Variants in ZFP62 observed in about 807,000 individuals in gnomAD.
ZFP62 encodes ZFP62 zinc finger protein.
In ZFP62, 44 loss-of-function variants were observed where a neutral mutation model predicts 56.4. That is an observed-to-expected ratio of 0.78 (90% confidence interval 0.61 to 1.00). The LOEUF (loss-of-function observed/expected upper bound fraction) is 1.00. Ranked by LOEUF, ZFP62 falls within the 50% of genes least tolerant of loss-of-function variation. The pLI, the probability that ZFP62 is intolerant of heterozygous loss-of-function variation, is 0.00. For missense variants in ZFP62, 1,030 were observed against 1,085.7 expected, an observed-to-expected ratio of 0.95 and a Z score of 0.72; for synonymous variants, 421 against 388.9, an observed-to-expected ratio of 1.08 and a Z score of -0.97.
chr5:180,849,829 T>C lies in ZFP62; in HGVS notation c.1666A>G (p.Thr556Ala), dbSNP rs1015438487. ...TCACATTTGTAAGGTCGTTCCCCAGTGTGGATTCGTTTATGTACTTTAAGG... is the reference window on the plus strand; with the variant it reads ...TCACATTTGTAAGGTCGTTCCCCAGCGTGGATTCGTTTATGTACTTTAAGG... ...SGLKVHKRIH[T>A]GERPYKCEEC... The change falls in exon 2 of 2, where the codon ACT (threonine) becomes GCT (alanine). Residue 556 changes from threonine (T) to alanine (A), a missense_variant. Physicochemically the swap from Thr to Ala is moderately conservative, Grantham distance 58 (BLOSUM62 0). Transcript: ENST00000502412. 11 of 1,551,880 alleles carry C rather than the reference T, an allele frequency of 7.1e-6. No homozygotes were observed. The African/African-American group carries it at 1.2e-4, about 17-fold the overall frequency.
Position 180,851,234 on chromosome 5 carries a change from A to G in ZFP62, c.261T>C (p.Gly87=). ...GATGCAAGCTCTTCTCAGATGCCTC[A>G]CCTTCCTGTTCTGTCTTTATATTTG... The part of the protein sequence containing the change: ...STANIKTEQE[G]EASEKSLHLS... The change falls in exon 2 of 2, where the codon GGT becomes GGC. Residue 87 remains glycine, a synonymous_variant. Transcript: ENST00000502412. 6.4e-7 allele frequency: 1 copy of G among 1,551,498 alleles called. No homozygotes were observed. The highest frequency in any genetic ancestry group is 8.7e-7 in the Non-Finnish European group (1 of 1,146,936).
intron 1 of ZFP62, among the ~76,000 whole-genome samples, chr5:180,859,179 T>C (rs565924902): frequency 1.3e-5 from 2 of 152,334 alleles, no homozygotes; most frequent in East Asian, 3.9e-4. Flanking sequence ...CCGGAACGAC[T>C]TTCAATTTGC....
downstream of ZFP62, chr5:180,845,931 A>G (rs1295022343): frequency 1.1e-6 from 1 of 908,322 alleles, no homozygotes; most frequent in African/African-American, 1.8e-5. Context: ...TTGCTAATAG[A>G]GACATGCACT....
Position 180,852,476 on chromosome 5 carries a change from C to T in ZFP62, c.2-983G>A, listed in dbSNP as rs539035896. Among the ~76,000 whole-genome samples the T allele has an allele frequency of 2.0e-5, 3 of 151,076 alleles. No individual in the cohort carries two copies. In the East Asian group the frequency reaches 5.9e-4, roughly 29 times the overall value. On this transcript the variant is annotated intron_variant, in intron 1 of 1. Coordinates refer to ENST00000502412, the MANE Select transcript of ZFP62 (RefSeq NM_001172638.2). ...GGCTGAGGGAGGAGAATCACTTGAA[C>T]CTGGGAGGCAGAGGTTGCAGTGAGC... is the stretch of plus-strand genomic sequence containing the variant.
chr5:180,848,881 A>G lies in ZFP62; in HGVS notation c.2614T>C (p.Tyr872His), dbSNP rs1407818849. The G allele has an allele frequency of 1.3e-6, 2 of 1,551,614 alleles. No individual in the cohort carries two copies. The highest frequency in any genetic ancestry group is 2.4e-5 in the East Asian group (1 of 40,910). Residue 872 changes from tyrosine (Y) to histidine (H), a missense_variant, in exon 2 of 2, where the codon TAT becomes CAT. By Grantham distance (83) the Tyr-to-His change is moderately conservative. Coordinates refer to ENST00000502412, the MANE Select transcript of ZFP62 (RefSeq NM_001172638.2). Reference protein sequence around the residue: ...HTGEESLNVIYVGSYSGTSQK... With the variant: ...HTGEESLNVIHVGSYSGTSQK... ...GATGTGCCACTATAACTTCCCACAT[A>G]TATCACATTTAAAGATTCCTCTCCA...
Position 180,854,261 on chromosome 5 carries a change from A to T in ZFP62, c.2-2768T>A, listed in dbSNP as rs149313752. Among the ~76,000 whole-genome samples the T allele has an allele frequency of 3.3e-5, 5 of 152,332 alleles. No homozygotes were observed. The East Asian group carries it at 7.7e-4, about 24-fold the overall frequency. On this transcript the variant is annotated intron_variant, in intron 1 of 1. Coordinates refer to ENST00000502412, the MANE Select transcript of ZFP62 (RefSeq NM_001172638.2). ...AAAAAAAGGGTAGGGACACGCTGCA[A>T]GACCCAGCTTGAACATCCAGTGTTC...
chr5:180,843,530 CTGA>C (rs1170895151), downstream of ZFP62, among the ~76,000 whole-genome samples: 1 of 152,002 alleles, frequency 6.6e-6, no homozygotes, highest in Non-Finnish European at 1.5e-5. Flanking sequence ...AAAAAAGAAG[CTGA>C]TGTTATTAAT....
chr5:180,857,471 C>G (rs1038964222), intron 1 of ZFP62, among the ~76,000 whole-genome samples: 2 of 152,066 alleles, frequency 1.3e-5, no homozygotes, highest in Admixed American at 6.5e-5. Context: ...ATAATAACGG[C>G]ATTGTGGCTA....
At chr5:180,845,937 G>T, downstream of ZFP62, 1 of 826,382 alleles carries the variant, frequency 1.2e-6, no homozygotes, top group Non-Finnish European at 1.5e-6. Flanking sequence ...ATAGAGACAT[G>T]CACTCCTATG....
At position 180,848,209 on chromosome 5, in the gene ZFP62, A is replaced by T; in HGVS notation, c.*583T>A. 1 of 985,444 alleles carries T rather than the reference A, an allele frequency of 1.0e-6. No homozygotes were observed. The highest frequency in any genetic ancestry group is 5.2e-4 in the Middle Eastern group (1 of 1,914). The allele number at this position is 985,444 out of a possible 1,614,324, so 61.0% of individuals were successfully genotyped here. The stretch of plus-strand genomic sequence containing the variant: ...AAGTCTATGCTTTCTACTTTTCCTA[A>T]AAGGAAATCCAAATTTTGTTTCAGA... On this transcript the variant is annotated 3_prime_UTR_variant, in exon 2 of 2. Transcript: ENST00000502412.
At chr5:180,845,612 C>G (rs1176887507), downstream of ZFP62, 1 of 639,298 alleles carries the variant, frequency 1.6e-6, no homozygotes, top group Admixed American at 6.3e-5. Flanking sequence ...CTGCTTCCTT[C>G]TCCATGTCTC....
chr5:180,861,241 ACCCGGCCGCCAGCG>A lies in ZFP62; in HGVS notation c.-36_-23del, dbSNP rs1220218949. 2.5e-6 allele frequency: 1 copy of A among 397,524 alleles called. No homozygotes were observed. Among genetic ancestry groups the A allele is most frequent in the Admixed American group, 4.4e-5 (1 of 22,670 alleles). The allele number at this position is 397,524 out of a possible 1,614,324, so 24.6% of individuals were successfully genotyped here. A position where few individuals can be genotyped will look rare whatever the true frequency, so the allele number is the denominator to read the frequency against. On this transcript the variant is annotated 5_prime_UTR_variant, in exon 1 of 2. Transcript: ENST00000502412. ...TACTGGCTGTGGCGGCGCCGCGGGA[ACCCGGCCGCCAGCG>A]GGACAAAAGCGCGGACCGCACGGCC...
chr5:180,848,468 C>T lies in ZFP62; in HGVS notation c.*324G>A, dbSNP rs1363808664. 38 of 1,050,130 alleles carry T rather than the reference C, an allele frequency of 3.6e-5. No homozygotes were observed. Among genetic ancestry groups the T allele is most frequent in the Non-Finnish European group, 4.2e-5 (37 of 872,002 alleles). The allele number at this position is 1,050,130 out of a possible 1,614,324, so 65.1% of individuals were successfully genotyped here. A position where few individuals can be genotyped will look rare whatever the true frequency, so the allele number is the denominator to read the frequency against. On this transcript the variant is annotated 3_prime_UTR_variant, in exon 2 of 2. Transcript: ENST00000502412. Reference sequence around the variant, plus strand: ...GAACTTTCTGATGGTGATTACGTAACTTCTAATTGAAGCCCTTTCCTCATC... The same window carrying T: ...GAACTTTCTGATGGTGATTACGTAATTTCTAATTGAAGCCCTTTCCTCATC...
chr5:180,841,531 C>T, the ZFP62 span, among the ~76,000 whole-genome samples: 1 of 151,882 alleles, frequency 6.6e-6, no homozygotes. Flanking sequence ...ATTGTAAGGC[C>T]CAGATTAAGA....
the ZFP62 span, chr5:180,831,788 A>G: frequency 6.5e-6 from 1 of 152,894 alleles, no homozygotes; most frequent in Non-Finnish European, 1.5e-5. Flanking sequence ...TGCCACGTGC[A>G]CATGCTGGTG....
At chr5:180,842,643 A>T (rs554547864), downstream of ZFP62, among the ~76,000 whole-genome samples, 1 of 152,368 alleles carries the variant, frequency 6.6e-6, no homozygotes, top group South Asian at 2.1e-4. Flanking sequence ...GCAAATAAAA[A>T]TTGTGAAGTT....
intron 1 of ZFP62, among the ~76,000 whole-genome samples, chr5:180,856,381 AC>A (rs1358452365): frequency 6.6e-6 from 1 of 152,258 alleles, no homozygotes; most frequent in East Asian, 1.9e-4. Context: ...CCAAGACAGC[AC>A]TAGAGTAAAT....
chr5:180,849,877 T>C lies in ZFP62; in HGVS notation c.1618A>G (p.Lys540Glu). The C allele has an allele frequency of 1.9e-6, 3 of 1,551,822 alleles. No individual in the cohort carries two copies. In the African/African-American group the frequency reaches 4.1e-5, roughly 21 times the overall value. ...EKPFGCDECG[K>E]AFRNNSGLKV... ...AGGCCAGAATTATTTCTGAAAGCTT[T>C]ACCACACTCATCACACCCAAAGGGT... is the stretch of plus-strand genomic sequence containing the variant. The change falls in exon 2 of 2, where the codon AAA becomes GAA. Residue 540 changes from lysine (K) to glutamate (E), a missense_variant. Lys to Glu is a moderately conservative substitution (Grantham distance 56). Coordinates refer to ENST00000502412, the MANE Select transcript of ZFP62 (RefSeq NM_001172638.2).
At chr5:180,830,874 G>C in the ZFP62 span, 1 of 147,508 alleles carries the variant, frequency 6.8e-6, no homozygotes, top group African/African-American at 2.4e-5. Flanking sequence ...TAAGGTTAGA[G>C]GGAAGGCGCA....
Sources: allele counts gnomAD v4.1 joint callset (sites outside exome capture counted in the v4.1 genomes callset), GRCh38; gene constraint gnomAD v4.1.1; transcripts MANE v1.5; gene names NCBI Gene and HGNC (gene_info 2026-07-23, HGNC 2026-07-21).